DISP1: variants seen among roughly 807,000 people sequenced by gnomAD.
DISP1 encodes dispatched RND transporter family member 1, also known as protein dispatched homolog 1.
In DISP1, 30 loss-of-function variants were observed where a neutral mutation model predicts 37.3. The ratio of observed to expected loss-of-function variants is 0.80; its 90% confidence interval spans 0.60 to 1.09. DISP1 has a LOEUF of 1.09. Among genes scored for constraint, DISP1 ranks in the 50% least tolerant of loss-of-function variants. The probability of loss-of-function intolerance (pLI) is 0.00; values close to 1 mark genes in which losing one functional copy is unlikely to be tolerated. For synonymous variants in DISP1, 634 were observed against 690.2 expected, an observed-to-expected ratio of 0.92 and a Z score of 1.28; for missense variants, 1,598 against 1,879.5, an observed-to-expected ratio of 0.85 and a Z score of 2.77.
chr1:222,926,879 G>C (rs1279692537), intron 1 of DISP1, among the ~76,000 whole-genome samples: 1 of 152,164 alleles, frequency 6.6e-6, no homozygotes, highest in Admixed American at 6.5e-5. Context: ...CCAAACACAA[G>C]AGGGTAGTCT....
chr1:222,931,064 C>A (rs1225893557), intron 2 of DISP1, among the ~76,000 whole-genome samples: 1 of 151,848 alleles, frequency 6.6e-6, no homozygotes, highest in Non-Finnish European at 1.5e-5. Context: ...GGGAGTGGGG[C>A]CTGGTATTAG....
chr1:222,992,302 TTATTA>T (rs1678759728), intron 7 of DISP1, among the ~76,000 whole-genome samples, 192 bp downstream of exon 7: 2 of 152,220 alleles, frequency 1.3e-5, no homozygotes, highest in Admixed American at 6.5e-5. Context: ...TAGTCTGAGT[TTATTA>T]TATTATTAAA....
At chr1:222,821,878 CA>C (rs35160286) in intron 1 of DISP1, among the ~76,000 whole-genome samples, 26,909 of 73,694 alleles carry the variant, frequency 0.37, 2,191 homozygotes, top group East Asian at 0.39. Flanking sequence ...GACTCCATCT[CA>C]AAAAAAAAAA....
Position 222,893,794 on chromosome 1 carries a change from G to T in DISP1, c.-158-34636G>T, listed in dbSNP as rs566012119. On this transcript the variant is annotated intron_variant, in intron 1 of 8. Coordinates refer to ENST00000675850, the MANE Select transcript of DISP1 (RefSeq NM_001377229.1). The surrounding 1 kb of genome is among the most constrained non-coding windows in gnomAD (Gnocchi z 4.3). Reference sequence around the variant, plus strand: ...TCTCCTTCTTGTTGCCCACAACGTGGCTAATGGAGTGGGGGCGTGTTTCAG... The same window carrying T: ...TCTCCTTCTTGTTGCCCACAACGTGTCTAATGGAGTGGGGGCGTGTTTCAG... 1.3e-5 allele frequency among the ~76,000 whole-genome samples: 2 copies of T among 152,306 alleles called. No homozygotes were observed. The highest frequency in any genetic ancestry group is 3.9e-4 in the East Asian group (2 of 5,162).
intron 1 of DISP1, among the ~76,000 whole-genome samples, chr1:222,882,956 T>A (rs1670360925): frequency 6.6e-6 from 1 of 152,138 alleles, no homozygotes; most frequent in Non-Finnish European, 1.5e-5. Context: ...TACATGTAAA[T>A]TATGATTAGA....
At chr1:222,937,872 G>A (rs1389457073) in intron 2 of DISP1, among the ~76,000 whole-genome samples, 3 of 124,182 alleles carry the variant, frequency 2.4e-5, no homozygotes, top group Non-Finnish European at 5.0e-5. Flanking sequence ...AACAATAGCT[G>A]TTTTGTTTTG....
intron 1 of DISP1, among the ~76,000 whole-genome samples, chr1:222,851,317 C>T (rs942733458): frequency 6.6e-6 from 1 of 152,042 alleles, no homozygotes; most frequent in Non-Finnish European, 1.5e-5. Context: ...CCGCCCGCCT[C>T]CGCCTCCCAA....
At chr1:222,878,446 G>A (rs72742231) in intron 1 of DISP1, among the ~76,000 whole-genome samples, 483 of 152,188 alleles carry the variant, frequency 3.2e-3, no homozygotes, top group Non-Finnish European at 5.2e-3. Flanking sequence ...TGTACATACT[G>A]GAATCTATTT....
intron 1 of DISP1, among the ~76,000 whole-genome samples, chr1:222,891,812 G>C (rs1040906240): frequency 1.3e-5 from 2 of 151,996 alleles, no homozygotes; most frequent in Non-Finnish European, 2.9e-5. Context: ...CAGGATTTGG[G>C]TGTGTGTGTG....
At chr1:222,843,657 T>C (rs530595072) in intron 1 of DISP1, among the ~76,000 whole-genome samples, 40 of 152,062 alleles carry the variant, frequency 2.6e-4, no homozygotes, top group African/African-American at 9.4e-4. Context: ...AATAATTAAC[T>C]AAAAGGAAAA....
chr1:222,980,742 G>A (rs1677772346), intron 3 of DISP1, among the ~76,000 whole-genome samples: 1 of 151,960 alleles, frequency 6.6e-6, no homozygotes, highest in South Asian at 2.1e-4. Context: ...TGCATTTTTG[G>A]TATCCTTTAT....
chr1:222,936,317 T>A (rs1673720348), intron 2 of DISP1, among the ~76,000 whole-genome samples: 1 of 152,106 alleles, frequency 6.6e-6, no homozygotes, highest in Non-Finnish European at 1.5e-5. Flanking sequence ...TTAGGTGATA[T>A]GTGATTGTCT....
Position 223,003,568 on chromosome 1 carries a change from G to T in DISP1, c.2171G>T (p.Trp724Leu), listed in dbSNP as rs201705065. ...VIKFRYLWLF[W>L]FLALTVGGAY... is the part of the protein sequence containing the mutation. ...AAGTTTCGCTACCTTTGGCTGTTTT[G>T]GTTCCTTGCCTTAACTGTAGGTGGG... The change falls in exon 9 of 9, where the codon TGG (tryptophan) becomes TTG (leucine). Residue 724 changes from tryptophan (W) to leucine (L), a missense_variant. Transcript: ENST00000675850. The surrounding 1 kb of genome is among the most constrained non-coding windows in gnomAD (Gnocchi z 4.3). 2.5e-6 allele frequency: 4 copies of T among 1,614,096 alleles called. No individual in the cohort carries two copies. The highest frequency in any genetic ancestry group is 3.4e-6 in the Non-Finnish European group (4 of 1,180,030).
At chr1:222,851,802 T>A (rs1389338166) in intron 1 of DISP1, among the ~76,000 whole-genome samples, 2 of 151,192 alleles carry the variant, frequency 1.3e-5, no homozygotes, top group African/African-American at 4.9e-5. Context: ...CATTTCTGTG[T>A]GAAATATCCA....
intron 3 of DISP1, among the ~76,000 whole-genome samples, chr1:222,964,628 T>C (rs919332327): frequency 2.0e-5 from 3 of 152,206 alleles, no homozygotes; most frequent in African/African-American, 7.2e-5. Flanking sequence ...TGGTCATTTT[T>C]AGATCATAGA....
intron 3 of DISP1, among the ~76,000 whole-genome samples, chr1:222,946,591 C>T (rs996576367): frequency 1.3e-4 from 20 of 151,964 alleles, no homozygotes; most frequent in African/African-American, 4.4e-4. Flanking sequence ...TGCCAGGCAC[C>T]GAGGATATAA....
intron 8 of DISP1, among the ~76,000 whole-genome samples, chr1:222,995,863 C>A (rs773318361): frequency 5.9e-5 from 9 of 152,130 alleles, no homozygotes; most frequent in Admixed American, 5.9e-4. Context: ...ATCACCTGTT[C>A]GGTCAACAGG....
intron 1 of DISP1, among the ~76,000 whole-genome samples, chr1:222,868,365 A>G (rs1445414787): frequency 6.6e-6 from 1 of 152,068 alleles, no homozygotes; most frequent in East Asian, 1.9e-4. Context: ...GTGTGTATAT[A>G]TGTTTATATA....
chr1:222,959,700 C>CAAAAAAAAAAAAA (rs139605919), intron 3 of DISP1, among the ~76,000 whole-genome samples: 1 of 111,830 alleles, frequency 8.9e-6, no homozygotes. Flanking sequence ...AACTCTGTCT[C>CAAAAAAAAAAAAA]AAAAAAAAAA....
Sources: gnomAD v4.1 joint callset for allele counts (sites outside exome capture counted in the v4.1 genomes callset) on GRCh38, gnomAD v4.1.1 for gene constraint, Gnocchi (gnomAD v3.1) non-coding constraint, MANE v1.5 for transcripts, NCBI Gene and HGNC (gene_info 2026-07-23, HGNC 2026-07-21) for gene names.